TTC7A: variants seen among roughly 807,000 people sequenced by gnomAD.
The protein encoded by TTC7A is tetratricopeptide repeat domain 7A.
A neutral mutation model predicts 103.7 loss-of-function variants in TTC7A; 110 were observed. The ratio of observed to expected loss-of-function variants is 1.06; its 90% confidence interval spans 0.91 to 1.24. TTC7A has a LOEUF of 1.24. Among genes scored for constraint, TTC7A ranks in the 50% most tolerant of loss-of-function variants. The pLI is 0.00. For missense variants in TTC7A, 1,340 were observed against 1,116.3 expected (o/e 1.20, Z -2.86); for synonymous variants, 521 against 467.9 (o/e 1.11, Z -1.47).
chr2:47,002,480 C>T (rs1039366688), intron 8 of TTC7A, among the ~76,000 whole-genome samples: 1 of 152,156 alleles, frequency 6.6e-6, no homozygotes, highest in African/African-American at 2.4e-5. Flanking sequence ...ATTCTGAGGC[C>T]ACTTCAATGG....
At chr2:46,923,279 T>A (rs575420563) in intron 2 of TTC7A, among the ~76,000 whole-genome samples, 35 of 152,294 alleles carry the variant, frequency 2.3e-4, no homozygotes, top group Non-Finnish European at 4.6e-4. Context: ...CCCTCTCTCC[T>A]CCCTGGAGGT....
intron 1 of TTC7A, chr2:46,917,070 G>A (rs1035529578): frequency 9.2e-6 from 6 of 654,278 alleles, no homozygotes; most frequent in African/African-American, 7.3e-5. Flanking sequence ...GTTGCCTAAC[G>A]CCACTGCCAT....
intron 18 of TTC7A, among the ~76,000 whole-genome samples, chr2:47,058,220 T>C (rs1249045524): frequency 6.6e-6 from 1 of 152,184 alleles, no homozygotes; most frequent in Non-Finnish European, 1.5e-5. Context: ...GAGCCCGCAT[T>C]TCTCTCCCAT....
chr2:46,986,568 G>T (rs933529523), intron 5 of TTC7A, among the ~76,000 whole-genome samples: 11 of 152,134 alleles, frequency 7.2e-5, no homozygotes, highest in African/African-American at 2.7e-4. Context: ...GACCCTGAAG[G>T]TGTCTGAGGA....
chr2:46,925,115 A>ATTAT (rs1156850754), intron 2 of TTC7A, among the ~76,000 whole-genome samples: 1 of 152,114 alleles, frequency 6.6e-6, no homozygotes, highest in Non-Finnish European at 1.5e-5. Context: ...TTGGTTTTCA[A>ATTAT]TTATTTATTT....
upstream of TTC7A, among the ~76,000 whole-genome samples, chr2:46,936,469 G>A (rs532349944): frequency 2.2e-4 from 33 of 152,112 alleles, no homozygotes; most frequent in African/African-American, 8.0e-4. Context: ...TGTCTGCTGG[G>A]AACTGTAAAT....
intron 15 of TTC7A, among the ~76,000 whole-genome samples, chr2:47,038,185 G>A (rs999470089): frequency 2.8e-4 from 43 of 151,110 alleles, no homozygotes; most frequent in African/African-American, 1.0e-3. Context: ...CTTGAACCCA[G>A]GAGGTGGAGG....
intron 5 of TTC7A, among the ~76,000 whole-genome samples, chr2:46,985,559 G>T (rs1012689647): frequency 6.6e-6 from 1 of 152,230 alleles, no homozygotes; most frequent in Admixed American, 6.5e-5. Context: ...ATGCCTTTCT[G>T]TATAATCCTG....
At chr2:47,044,190 A>C (rs1393353855) in intron 15 of TTC7A, among the ~76,000 whole-genome samples, 1 of 151,974 alleles carries the variant, frequency 6.6e-6, no homozygotes, top group African/African-American at 2.4e-5. Context: ...GTCCCACTCC[A>C]CCCTGCTTTT....
rs1046667130 is a variant in TTC7A at position 46,998,709 on chromosome 2, A to T, written c.1065+3510A>T. Among the ~76,000 whole-genome samples the T allele has an allele frequency of 3.9e-5, 6 of 152,300 alleles. No homozygotes were observed. In the East Asian group the frequency reaches 1.2e-3, roughly 29 times the overall value. On this transcript the variant is annotated intron_variant, in intron 8 of 19. Coordinates refer to ENST00000319190, the MANE Select transcript of TTC7A (RefSeq NM_020458.4). ...CATCATCATCATTGCTTCCACCTCCAGGACATCCAGAGCAGCTGCTGCAGG... is the reference window on the plus strand; with the variant it reads ...CATCATCATCATTGCTTCCACCTCCTGGACATCCAGAGCAGCTGCTGCAGG...
chr2:47,061,786 C>T (rs747427262), intron 19 of TTC7A, among the ~76,000 whole-genome samples: 1 of 152,166 alleles, frequency 6.6e-6, no homozygotes, highest in African/African-American at 2.4e-5. Context: ...TCATTTTTTC[C>T]TGCTTTCCTT....
intron 8 of TTC7A, among the ~76,000 whole-genome samples, 189 bp downstream of exon 8, chr2:46,995,388 C>T (rs929499638): frequency 2.6e-5 from 4 of 152,212 alleles, no homozygotes; most frequent in African/African-American, 9.7e-5. Context: ...AATTGGCTGT[C>T]GAAGGCTTCA....
intron 5 of TTC7A, among the ~76,000 whole-genome samples, chr2:46,986,855 G>T (rs111461084): frequency 3.3e-5 from 5 of 152,112 alleles, no homozygotes; most frequent in Non-Finnish European, 7.4e-5. Flanking sequence ...TGTACGGTGG[G>T]TGGCGATTGC....
intron 14 of TTC7A, among the ~76,000 whole-genome samples, chr2:47,024,955 T>A (rs1210055691): frequency 2.6e-5 from 4 of 152,176 alleles, no homozygotes; most frequent in Admixed American, 2.6e-4. Flanking sequence ...CAGAGCCTCC[T>A]TTACTTTCCT....
At chr2:46,961,694 T>A (rs552397167) in intron 3 of TTC7A, among the ~76,000 whole-genome samples, 1 of 151,910 alleles carries the variant, frequency 6.6e-6, no homozygotes, top group Admixed American at 6.6e-5. Flanking sequence ...GACTTGAGGT[T>A]AGGAGTTTGA....
intron 5 of TTC7A, among the ~76,000 whole-genome samples, chr2:46,979,792 T>TC (rs1674255405): frequency 6.6e-6 from 1 of 152,300 alleles, no homozygotes; most frequent in South Asian, 2.1e-4. Context: ...TTCCTGCCTG[T>TC]CTCTGCAGCA....
At chr2:46,956,777 G>A in intron 2 of TTC7A, 62 bp from the exon 3 acceptor site, 2 of 1,565,084 alleles carry the variant, frequency 1.3e-6, no homozygotes, top group Non-Finnish European at 8.8e-7. Flanking sequence ...CAGGTTCAGT[G>A]GGGGTGTTCA....
chr2:46,954,161 C>G (rs1671644998), intron 2 of TTC7A, among the ~76,000 whole-genome samples: 1 of 152,220 alleles, frequency 6.6e-6, no homozygotes, highest in South Asian at 2.1e-4. Context: ...CCACGTTAGT[C>G]TGTGAAGTAT....
At chr2:47,024,595 C>A (rs1235042994) in intron 14 of TTC7A, among the ~76,000 whole-genome samples, 1 of 152,136 alleles carries the variant, frequency 6.6e-6, no homozygotes, top group Admixed American at 6.5e-5. Flanking sequence ...CGCCCTCACT[C>A]CCCCTACAAC....
Sources: gnomAD v4.1 joint callset for allele counts (sites outside exome capture counted in the v4.1 genomes callset) on GRCh38, gnomAD v4.1.1 for gene constraint, MANE v1.5 for transcripts, NCBI Gene and HGNC (gene_info 2026-07-23, HGNC 2026-07-21) for gene names.